The following PRKN variants were observed in gnomAD, a reference collection of about 807,000 sequenced individuals.
PRKN encodes the protein parkin RBR E3 ubiquitin protein ligase.
PRKN carries 56 observed loss-of-function variants against 59.5 expected under a neutral mutation model. The observed-to-expected ratio is 0.94, with a 90% CI of 0.76 to 1.18. PRKN has a LOEUF of 1.18. Among genes scored for constraint, PRKN ranks in the 50% most tolerant of loss-of-function variants. PRKN has a pLI of 0.00. For synonymous variants in PRKN, 250 were observed against 222.1 expected (o/e 1.13, Z -1.12); for missense variants, 657 against 596.4 (o/e 1.10, Z -1.06).
Position 161,639,088 on chromosome 6 carries a change from C to T in PRKN, c.872-69672G>A, listed in dbSNP as rs185557763. On this transcript the variant is annotated intron_variant, in intron 7 of 11. Coordinates refer to ENST00000366898, the MANE Select transcript of PRKN (RefSeq NM_004562.3). Reference sequence around the variant, plus strand: ...TTTGCTCGGCACTTCTCCTTGCTGCCGCCATGTGAAGAAGGACATGTTTGC... The same window carrying T: ...TTTGCTCGGCACTTCTCCTTGCTGCTGCCATGTGAAGAAGGACATGTTTGC... Among the ~76,000 whole-genome samples the T allele has an allele frequency of 1.6e-3, 251 of 152,246 alleles. 1 individual carries two copies. Among genetic ancestry groups the T allele is most frequent in the Non-Finnish European group, 4.6e-4 (31 of 68,006 alleles).
chr6:162,115,126 G>A (rs376576010), intron 4 of PRKN, among the ~76,000 whole-genome samples: 1 of 152,014 alleles, frequency 6.6e-6, no homozygotes, highest in East Asian at 1.9e-4. Context: ...CTGGATTAAG[G>A]AAATGTGGCA....
At chr6:162,023,467 C>T (rs1363779388) in intron 5 of PRKN, among the ~76,000 whole-genome samples, 1 of 152,116 alleles carries the variant, frequency 6.6e-6, no homozygotes, top group Non-Finnish European at 1.5e-5. Flanking sequence ...TGCTTCGGGG[C>T]CAGGGCTCTC....
At chr6:162,505,569 G>T (rs1253102815) in intron 1 of PRKN, among the ~76,000 whole-genome samples, 1 of 152,174 alleles carries the variant, frequency 6.6e-6, no homozygotes, top group Middle Eastern at 3.2e-3. Context: ...GGATTTACCT[G>T]TGTCCACATG....
chr6:161,871,780 T>C (rs1794350762), intron 6 of PRKN, among the ~76,000 whole-genome samples: 1 of 152,152 alleles, frequency 6.6e-6, no homozygotes, highest in Non-Finnish European at 1.5e-5. Flanking sequence ...GTTTTAAGCA[T>C]GTATTTCTCA....
chr6:162,434,220 A>T (rs1219699186), intron 2 of PRKN, among the ~76,000 whole-genome samples: 1 of 152,306 alleles, frequency 6.6e-6, no homozygotes, highest in African/African-American at 2.4e-5. Context: ...AACATTTTTT[A>T]AAAATCCAAA....
At chr6:161,670,064 T>C (rs371617117) in intron 7 of PRKN, among the ~76,000 whole-genome samples, 4 of 152,198 alleles carry the variant, frequency 2.6e-5, no homozygotes, top group African/African-American at 9.6e-5. Context: ...ACATAAGCGA[T>C]GTGGCAGAAG....
chr6:161,957,436 G>T (rs201576406), intron 6 of PRKN, among the ~76,000 whole-genome samples: 25,092 of 115,892 alleles, frequency 0.22, 2,681 homozygotes, highest in African/African-American at 0.31. Context: ...TTGTTTGTTT[G>T]TTTTTTTGAG....
intron 6 of PRKN, among the ~76,000 whole-genome samples, chr6:161,834,260 C>T (rs1376431291): frequency 1.3e-5 from 2 of 152,122 alleles, no homozygotes. Context: ...TCGGTCTACA[C>T]AGCCAAATAA....
At position 162,681,191 on chromosome 6, in the gene PRKN, CA is replaced by C. The variant is rs556903599; in HGVS notation, c.7+46470del. ...ATGTGGAAGAAAAATAGTTTATTAG[CA>C]AAAAATGCAGAAATGTACCAAAGAA... On this transcript the variant is annotated intron_variant, in intron 1 of 11. Transcript: ENST00000366898. Among the ~76,000 whole-genome samples the C allele has an allele frequency of 5.7e-3, 868 of 152,088 alleles. 7 individuals are homozygous for C. The highest frequency in any genetic ancestry group is 8.3e-3 in the Non-Finnish European group (567 of 67,974).
Position 161,420,715 on chromosome 6 carries a change from G to C in PRKN, c.1084-33838C>G, listed in dbSNP as rs930742402. Among the ~76,000 whole-genome samples the C allele has an allele frequency of 3.3e-5, 5 of 151,946 alleles. No homozygotes were observed. The South Asian group carries it at 8.4e-4, about 25-fold the overall frequency. ...TGTAGAGAGAGGGTCTCCCTATGTT[G>C]CCCAGTCTGGTTTCAAACTTCTGGG... On this transcript the variant is annotated intron_variant, in intron 9 of 11. Coordinates refer to ENST00000366898, the MANE Select transcript of PRKN (RefSeq NM_004562.3).
intron 5 of PRKN, among the ~76,000 whole-genome samples, chr6:162,016,154 A>T (rs1381759665): frequency 1.5e-4 from 2 of 13,484 alleles, no homozygotes; most frequent in Non-Finnish European, 2.9e-4. Flanking sequence ...AAATAATAAT[A>T]AAAAAAAACT....
At chr6:162,673,375 C>T (rs1270387961) in intron 1 of PRKN, among the ~76,000 whole-genome samples, 1 of 152,108 alleles carries the variant, frequency 6.6e-6, no homozygotes, top group African/African-American at 2.4e-5. Context: ...TGAAAAAAAA[C>T]AGAAGCAGTT....
Position 161,457,177 on chromosome 6 carries a change from C to A in PRKN, c.1084-70300G>T, listed in dbSNP as rs1338027936. Among the ~76,000 whole-genome samples, 1 of 152,232 alleles carries A rather than the reference C, an allele frequency of 6.6e-6. No homozygotes were observed. Among genetic ancestry groups the A allele is most frequent in the East Asian group, 1.9e-4 (1 of 5,202 alleles). On this transcript the variant is annotated intron_variant, in intron 9 of 11. Transcript: ENST00000366898. The surrounding 1 kb of genome is among the most constrained non-coding windows in gnomAD (Gnocchi z 5.0). ...TACACCCAGTTTTACCAAAGTTAAA[C>A]CCATGAGATTTTGTAATAAAGCCAA...
At chr6:162,648,944 T>C (rs1778307491) in intron 1 of PRKN, among the ~76,000 whole-genome samples, 1 of 152,116 alleles carries the variant, frequency 6.6e-6, no homozygotes, top group African/African-American at 2.4e-5. Context: ...ATCTAATCAG[T>C]TGAAGGTCAT....
At chr6:162,405,080 G>A (rs1022667222) in intron 2 of PRKN, among the ~76,000 whole-genome samples, 2 of 152,086 alleles carry the variant, frequency 1.3e-5, no homozygotes, top group African/African-American at 2.4e-5. Context: ...AATATGCCCC[G>A]CTCAGAGGTC....
rs1294634899 is a variant in PRKN, at chr6:161,442,524, C to T, written c.1084-55647G>A. 2.0e-5 allele frequency among the ~76,000 whole-genome samples: 3 copies of T among 152,174 alleles called. No homozygotes were observed. The highest frequency in any genetic ancestry group is 6.5e-5 in the Admixed American group (1 of 15,278). ...TTCACATGACCTTCTCCTTAGTGGG[C>T]GAGTACAAGAAGGCACTGAATAGCG... On this transcript the variant is annotated intron_variant, in intron 9 of 11. Transcript: ENST00000366898. The surrounding 1 kb of genome is among the most constrained non-coding windows in gnomAD (Gnocchi z 4.6).
intron 1 of PRKN, among the ~76,000 whole-genome samples, chr6:162,589,035 T>C (rs901827324): frequency 2.0e-5 from 3 of 152,132 alleles, no homozygotes; most frequent in Non-Finnish European, 2.9e-5. Flanking sequence ...CTCCTCCCCC[T>C]GCAAAGCACC....
chr6:161,546,972 A>G lies in PRKN; in HGVS notation c.1083+1882T>C, dbSNP rs750605534. ...GAGCTACCTTGGAAGTAGATCTTCCAGCCCCAGTTAAGCCTCCAGATAACT... is the reference window on the plus strand; with the variant it reads ...GAGCTACCTTGGAAGTAGATCTTCCGGCCCCAGTTAAGCCTCCAGATAACT... On this transcript the variant is annotated intron_variant, in intron 9 of 11. Coordinates refer to ENST00000366898, the MANE Select transcript of PRKN (RefSeq NM_004562.3). This position sits in a 1 kb window ranked among gnomAD's most constrained non-coding sequence, Gnocchi z 4.4. Among the ~76,000 whole-genome samples, 1 of 152,132 alleles carries G rather than the reference A, an allele frequency of 6.6e-6. No individual in the cohort carries two copies. The highest frequency in any genetic ancestry group is 2.4e-5 in the African/African-American group (1 of 41,414).
intron 1 of PRKN, chr6:162,569,029 C>T (rs1384621834): frequency 2.7e-5 from 19 of 697,780 alleles, no homozygotes; most frequent in South Asian, 2.2e-4. Flanking sequence ...TCCCAGATCT[C>T]GGACACATCT....
Sources: gnomAD v4.1 joint callset for allele counts (sites outside exome capture counted in the v4.1 genomes callset) on GRCh38, gnomAD v4.1.1 for gene constraint, Gnocchi (gnomAD v3.1) non-coding constraint, MANE v1.5 for transcripts, NCBI Gene and HGNC (gene_info 2026-07-23, HGNC 2026-07-21) for gene names.